Variants in MARCHF1 observed in about 807,000 individuals in gnomAD.
MARCHF1 encodes the protein membrane associated ring-CH-type finger 1.
A neutral mutation model predicts 54.2 loss-of-function variants in MARCHF1; 40 were observed. The observed-to-expected ratio is 0.74, with a 90% CI of 0.57 to 0.96. The LOEUF is 0.96. Among genes scored for constraint, MARCHF1 ranks in the 40% least tolerant of loss-of-function variants. The pLI is 0.00. For missense variants in MARCHF1, 586 were observed against 656.5 expected, an observed-to-expected ratio of 0.89 and a Z score of 1.17; for synonymous variants, 236 against 236.3, an observed-to-expected ratio of 1.00 and a Z score of 0.01.
chr4:164,296,084 T>C (rs1457196106), intron 1 of MARCHF1, among the ~76,000 whole-genome samples: 1 of 152,178 alleles, frequency 6.6e-6, no homozygotes, highest in Non-Finnish European at 1.5e-5. Context: ...TTCTCAATAA[T>C]TGTCTCAAGA....
At chr4:163,900,142 T>C (rs930534224) in intron 3 of MARCHF1, among the ~76,000 whole-genome samples, 6 of 152,122 alleles carry the variant, frequency 3.9e-5, no homozygotes, top group Non-Finnish European at 7.4e-5. Flanking sequence ...TGTTTATCCA[T>C]TCTCACTGGA....
chr4:164,252,300 T>C (rs1419696037), intron 1 of MARCHF1, among the ~76,000 whole-genome samples: 1 of 152,052 alleles, frequency 6.6e-6, no homozygotes, highest in Admixed American at 6.6e-5. Flanking sequence ...TTTAAAAATG[T>C]GTAACTATAT....
intron 3 of MARCHF1, among the ~76,000 whole-genome samples, chr4:163,910,519 TAG>T (rs1186905335): frequency 6.6e-6 from 1 of 152,162 alleles, no homozygotes; most frequent in Admixed American, 6.5e-5. Flanking sequence ...GTTTTTGAGA[TAG>T]AGTTTTGCTC....
At chr4:164,291,233 A>G (rs1018317934) in intron 1 of MARCHF1, among the ~76,000 whole-genome samples, 1 of 152,096 alleles carries the variant, frequency 6.6e-6, no homozygotes, top group South Asian at 2.1e-4. Context: ...TGATTACTCA[A>G]ACAAATTTGG....
At chr4:163,998,900 T>C (rs1199014330) in intron 2 of MARCHF1, among the ~76,000 whole-genome samples, 1 of 151,802 alleles carries the variant, frequency 6.6e-6, no homozygotes, top group Non-Finnish European at 1.5e-5. Flanking sequence ...TTGTGAATAG[T>C]GCTGTAATAA....
chr4:164,031,958 G>A (rs1169188390), intron 2 of MARCHF1, among the ~76,000 whole-genome samples: 4 of 152,108 alleles, frequency 2.6e-5, no homozygotes, highest in African/African-American at 9.7e-5. Context: ...AATCCACCTG[G>A]TCTTGGGTTG....
intron 1 of MARCHF1, among the ~76,000 whole-genome samples, chr4:164,339,662 T>C (rs556360472): frequency 1.3e-5 from 2 of 152,096 alleles, no homozygotes; most frequent in Non-Finnish European, 2.9e-5. Context: ...CCTTCAGGAA[T>C]TTTTTAAAAA....
intron 4 of MARCHF1, among the ~76,000 whole-genome samples, chr4:163,714,084 C>A (rs1745189454): frequency 6.6e-6 from 1 of 152,160 alleles, no homozygotes; most frequent in South Asian, 2.1e-4. Flanking sequence ...ATTTCAGTGT[C>A]TCATGTTATT....
intron 2 of MARCHF1, among the ~76,000 whole-genome samples, chr4:164,028,400 G>C (rs969350727): frequency 3.3e-5 from 5 of 152,064 alleles, no homozygotes; most frequent in African/African-American, 9.7e-5. Context: ...CATAAAAATG[G>C]ATGAAATCAT....
chr4:163,905,389 T>G (rs1002964719), intron 3 of MARCHF1, among the ~76,000 whole-genome samples: 1 of 152,124 alleles, frequency 6.6e-6, no homozygotes, highest in Non-Finnish European at 1.5e-5. Flanking sequence ...ATGATTACTC[T>G]CCAGACTGTT....
At chr4:164,219,254 C>T (rs56724349) in intron 1 of MARCHF1, among the ~76,000 whole-genome samples, 70,366 of 151,902 alleles carry the variant, frequency 0.46, 16,434 homozygotes, top group Non-Finnish European at 0.49. Flanking sequence ...TATTAACTAA[C>T]GAACATGATT....
intron 4 of MARCHF1, among the ~76,000 whole-genome samples, chr4:163,742,436 CTTT>C (rs1238174060): frequency 3.5e-4 from 45 of 129,346 alleles, no homozygotes; most frequent in African/African-American, 1.3e-3. Flanking sequence ...CCTTCCTTTT[CTTT>C]CTTTTCTCTT....
At chr4:163,762,503 G>T (rs1746855688) in intron 4 of MARCHF1, among the ~76,000 whole-genome samples, 1 of 152,132 alleles carries the variant, frequency 6.6e-6, no homozygotes, top group African/African-American at 2.4e-5. Flanking sequence ...TGTCCTGATT[G>T]TCCAAATTCC....
chr4:163,616,611 G>A (rs777905131), intron 5 of MARCHF1, among the ~76,000 whole-genome samples: 1 of 151,978 alleles, frequency 6.6e-6, no homozygotes, highest in Admixed American at 6.6e-5. Flanking sequence ...TGGGCATGGC[G>A]GTGCATGCCT....
chr4:163,970,274 C>T (rs943457151), intron 3 of MARCHF1, among the ~76,000 whole-genome samples: 1 of 152,094 alleles, frequency 6.6e-6, no homozygotes. Context: ...AAACAGGGAC[C>T]CAGCAGTGCT....
intron 1 of MARCHF1, among the ~76,000 whole-genome samples, chr4:164,286,070 A>G (rs1310922337): frequency 6.6e-6 from 1 of 152,094 alleles, no homozygotes; most frequent in Non-Finnish European, 1.5e-5. Flanking sequence ...TAAAGAAAAC[A>G]CTCCATAAAC....
intron 1 of MARCHF1, among the ~76,000 whole-genome samples, chr4:164,191,878 T>G (rs1329113137): frequency 1.3e-5 from 2 of 152,188 alleles, no homozygotes; most frequent in Non-Finnish European, 2.9e-5. Flanking sequence ...ATATCATATG[T>G]GTTGTAACAT....
At position 164,180,202 on chromosome 4, in the gene MARCHF1, G is replaced by A. The variant is rs115739498; in HGVS notation, c.-322-68540C>T. On this transcript the variant is annotated intron_variant, in intron 1 of 9. Coordinates refer to ENST00000514618, the MANE Select transcript of MARCHF1 (RefSeq NM_001394959.1). ...GGCACAGGGTTATACATTTTTTAAC[G>A]CAGGAATTTATATTGAATTATGGCT... Among the ~76,000 whole-genome samples, 1,191 of 151,884 alleles carry A rather than the reference G, an allele frequency of 7.8e-3. 8 individuals are homozygous for A. Among genetic ancestry groups the A allele is most frequent in the African/African-American group, 0.027 (1,107 of 41,402 alleles).
At chr4:163,633,471 C>T (rs180689711) in intron 5 of MARCHF1, among the ~76,000 whole-genome samples, 92 of 152,156 alleles carry the variant, frequency 6.0e-4, no homozygotes, top group African/African-American at 1.6e-3. Flanking sequence ...GGAGCCGATG[C>T]GATCAACTGC....
Sources: allele counts gnomAD v4.1 joint callset (sites outside exome capture counted in the v4.1 genomes callset), GRCh38; gene constraint gnomAD v4.1.1; transcripts MANE v1.5; gene names NCBI Gene and HGNC (gene_info 2026-07-23, HGNC 2026-07-21).